Variants in MSRA observed in about 807,000 individuals in gnomAD.
The protein encoded by MSRA is methionine sulfoxide reductase A, also known as mitochondrial peptide methionine sulfoxide reductase.
In MSRA, 54 loss-of-function variants were observed where a neutral mutation model predicts 31.3. That is an observed-to-expected ratio of 1.73 (90% CI 1.39 to 2.17). MSRA has a LOEUF of 2.17. Ranked by LOEUF, MSRA falls within the 30% of genes most tolerant of loss-of-function variation. The pLI is 0.00. For missense variants in MSRA, 507 were observed against 300.9 expected (o/e 1.69, Z -5.07); for synonymous variants, 169 against 116.5 (o/e 1.45, Z -2.90).
At chr8:10,322,455 G>A in intron 5 of MSRA, among the ~76,000 whole-genome samples, 1 of 152,148 alleles carries the variant, frequency 6.6e-6, no homozygotes, top group Non-Finnish European at 1.5e-5. Flanking sequence ...CAATAAGAGG[G>A]ACAGGTCCAG....
intron 2 of MSRA, among the ~76,000 whole-genome samples, chr8:10,225,159 G>C (rs1305061018): frequency 6.6e-6 from 1 of 152,054 alleles, no homozygotes; most frequent in Non-Finnish European, 1.5e-5. Flanking sequence ...ATAAATACAT[G>C]CATACAACTT....
chr8:10,406,312 C>T (rs1226409298), intron 5 of MSRA, among the ~76,000 whole-genome samples: 2 of 152,216 alleles, frequency 1.3e-5, no homozygotes, highest in Non-Finnish European at 2.9e-5. Flanking sequence ...CTGTGTTCTT[C>T]ATCTGGAAAA....
chr8:10,352,975 T>C (rs752609089), intron 5 of MSRA, among the ~76,000 whole-genome samples: 1 of 152,148 alleles, frequency 6.6e-6, no homozygotes, highest in Non-Finnish European at 1.5e-5. Context: ...GTCTTTGCGG[T>C]GTGCTCTGAA....
intron 1 of MSRA, among the ~76,000 whole-genome samples, chr8:10,099,507 A>G (rs561462502): frequency 6.6e-6 from 1 of 152,350 alleles, no homozygotes; most frequent in African/African-American, 2.4e-5. Flanking sequence ...ATGTAATCCA[A>G]GCAGCCATGC....
chr8:10,186,098 A>G (rs1446666470), intron 1 of MSRA, among the ~76,000 whole-genome samples: 1 of 152,176 alleles, frequency 6.6e-6, no homozygotes, highest in African/African-American at 2.4e-5. Flanking sequence ...GGACCAGGAC[A>G]CAGTGGCAAG....
intron 1 of MSRA, among the ~76,000 whole-genome samples, chr8:10,089,997 G>C (rs550643003): frequency 6.6e-6 from 1 of 152,292 alleles, no homozygotes; most frequent in African/African-American, 2.4e-5. Flanking sequence ...CATGAGACTT[G>C]GTGGGGACAA....
intron 3 of MSRA, among the ~76,000 whole-genome samples, chr8:10,298,421 A>C (rs1275694233): frequency 6.6e-6 from 1 of 152,164 alleles, no homozygotes; most frequent in African/African-American, 2.4e-5. Flanking sequence ...AGAGAAGTAA[A>C]ATCCACAGAG....
At chr8:10,150,756 C>T (rs1803593299) in intron 1 of MSRA, among the ~76,000 whole-genome samples, 1 of 152,168 alleles carries the variant, frequency 6.6e-6, no homozygotes, top group Non-Finnish European at 1.5e-5. Flanking sequence ...CCGTGTGTGA[C>T]AAGCGCGCAG....
chr8:10,165,057 C>G (rs2129043883), intron 1 of MSRA, among the ~76,000 whole-genome samples: 1 of 152,162 alleles, frequency 6.6e-6, no homozygotes, highest in Non-Finnish European at 1.5e-5. Context: ...TGGGCTGCAT[C>G]CTAGACCAAT....
At chr8:10,338,355 G>C (rs1368997048) in intron 5 of MSRA, among the ~76,000 whole-genome samples, 1 of 152,206 alleles carries the variant, frequency 6.6e-6, no homozygotes, top group Non-Finnish European at 1.5e-5. Flanking sequence ...AGTGGGGAAG[G>C]GAGGAGGAGT....
At chr8:10,320,781 C>T (rs1210426315) in intron 5 of MSRA, among the ~76,000 whole-genome samples, 1 of 152,196 alleles carries the variant, frequency 6.6e-6, no homozygotes, top group Non-Finnish European at 1.5e-5. Context: ...TTCCAGGCCT[C>T]TCTCCTTGGC....
intron 1 of MSRA, among the ~76,000 whole-genome samples, chr8:10,141,493 C>T (rs1267061284): frequency 6.6e-6 from 1 of 152,218 alleles, no homozygotes; most frequent in Non-Finnish European, 1.5e-5. Flanking sequence ...CATCTAACCA[C>T]TAGAAGTGCG....
At chr8:10,225,855 G>A (rs761288019) in intron 2 of MSRA, among the ~76,000 whole-genome samples, 12 of 152,196 alleles carry the variant, frequency 7.9e-5, no homozygotes, top group Non-Finnish European at 1.5e-4. Context: ...ATGCTGAAAG[G>A]CAGAGATTTC....
chr8:10,405,919 C>CA (rs750778658), intron 5 of MSRA, among the ~76,000 whole-genome samples: 4 of 152,242 alleles, frequency 2.6e-5, no homozygotes, highest in Non-Finnish European at 5.9e-5. Context: ...ACAGTGCACA[C>CA]ACACATGCTC....
chr8:10,208,590 C>T (rs150560984), intron 2 of MSRA, among the ~76,000 whole-genome samples: 2 of 151,892 alleles, frequency 1.3e-5, no homozygotes, highest in African/African-American at 4.8e-5. Flanking sequence ...CCTTCCTTAC[C>T]TCTTCTTCTG....
chr8:10,328,611 A>T (rs575612124), intron 5 of MSRA, among the ~76,000 whole-genome samples: 24 of 152,116 alleles, frequency 1.6e-4, no homozygotes, highest in Non-Finnish European at 2.9e-4. Flanking sequence ...TGTGGAATGA[A>T]ATCTGAACTC....
intron 1 of MSRA, among the ~76,000 whole-genome samples, chr8:10,124,500 A>C (rs1172990721): frequency 6.6e-6 from 1 of 152,224 alleles, no homozygotes; most frequent in Non-Finnish European, 1.5e-5. Context: ...CTCTTATGGA[A>C]AATTCTAAAA....
At chr8:10,337,566 C>A (rs1039959090) in intron 5 of MSRA, 2 of 627,038 alleles carry the variant, frequency 3.2e-6, no homozygotes, top group Non-Finnish European at 5.7e-6. Flanking sequence ...TACATCAATC[C>A]ATGTTCAAGC....
intron 5 of MSRA, among the ~76,000 whole-genome samples, chr8:10,344,809 G>A (rs1466902883): frequency 6.6e-6 from 1 of 152,104 alleles, no homozygotes; most frequent in Non-Finnish European, 1.5e-5. Context: ...TCTTGGGCCT[G>A]GGAATGACTA....
Sources: allele counts gnomAD v4.1 joint callset (sites outside exome capture counted in the v4.1 genomes callset), GRCh38; gene constraint gnomAD v4.1.1; transcripts MANE v1.5; gene names NCBI Gene and HGNC (gene_info 2026-07-23, HGNC 2026-07-21).